Variants in HDX observed in about 807,000 individuals in gnomAD.
The protein encoded by HDX is highly divergent homeobox.
Under a neutral mutation model 45.2 loss-of-function variants are expected in HDX, and 19 were observed. That is an observed-to-expected ratio of 0.42 (90% confidence interval 0.29 to 0.62). The LOEUF is 0.62. Among genes scored for constraint, HDX ranks in the 20% least tolerant of loss-of-function variants. HDX has a pLI of 0.20. For missense variants in HDX, 532 were observed against 493.9 expected (o/e 1.08, Z -0.73); for synonymous variants, 188 against 172.8 (o/e 1.09, Z -0.69).
intron 5 of HDX, among the ~76,000 whole-genome samples, chrX:84,413,200 C>A (rs945910366): frequency 1.8e-5 from 2 of 112,021 alleles, no homozygotes; most frequent in African/African-American, 6.5e-5. Context: ...ACTATTGAGG[C>A]ATTTTAGAAC....
At chrX:84,476,544 CAAAAA>C (rs376973856) in intron 2 of HDX, among the ~76,000 whole-genome samples, 4 of 38,061 alleles carry the variant, frequency 1.1e-4, no homozygotes, top group African/African-American at 3.4e-4. Context: ...AACTCTGTCT[CAAAAA>C]AAAAAAAAAA....
intron 5 of HDX, among the ~76,000 whole-genome samples, chrX:84,391,467 A>G (rs1465728012): frequency 9.6e-6 from 1 of 104,596 alleles, no homozygotes; most frequent in African/African-American, 3.5e-5. Flanking sequence ...AATATTCAGT[A>G]TTAGGATTGC....
At chrX:84,390,194 CATT>C (rs1028924349) in intron 5 of HDX, among the ~76,000 whole-genome samples, 3 of 110,789 alleles carry the variant, frequency 2.7e-5, no homozygotes, top group African/African-American at 9.9e-5. Context: ...CCTCCCCCAT[CATT>C]GTTTTGTTAA....
intron 5 of HDX, among the ~76,000 whole-genome samples, chrX:84,387,877 T>C (rs2038355453): frequency 8.9e-6 from 1 of 112,046 alleles, no homozygotes; most frequent in African/African-American, 3.2e-5. Flanking sequence ...TAGACTTGAT[T>C]GCATAGTTGC....
At chrX:84,379,156 A>G (rs1018635519) in intron 5 of HDX, among the ~76,000 whole-genome samples, 3 of 109,916 alleles carry the variant, frequency 2.7e-5, no homozygotes, top group Non-Finnish European at 5.7e-5. Flanking sequence ...ATTTGATTTT[A>G]TATATATAAT....
intron 4 of HDX, among the ~76,000 whole-genome samples, chrX:84,460,890 T>G (rs1364132984): frequency 1.8e-5 from 2 of 111,875 alleles, no homozygotes; most frequent in African/African-American, 6.5e-5. Flanking sequence ...CATTTCTAAA[T>G]GCTAACAGCA....
chrX:84,424,356 G>C (rs769873544), intron 5 of HDX, among the ~76,000 whole-genome samples: 1 of 110,442 alleles, frequency 9.1e-6, no homozygotes, highest in African/African-American at 3.3e-5. Context: ...TTCATGGAAA[G>C]AATCAATATT....
intron 4 of HDX, among the ~76,000 whole-genome samples, chrX:84,446,007 T>A (rs2039864402): frequency 8.9e-6 from 1 of 111,744 alleles, no homozygotes; most frequent in Admixed American, 9.5e-5. Context: ...TATAAAATTC[T>A]AAGATGTTTC....
At chrX:84,347,706 G>A (rs983559545) in intron 6 of HDX, among the ~76,000 whole-genome samples, 7 of 111,252 alleles carry the variant, frequency 6.3e-5, no homozygotes, top group South Asian at 3.7e-4. Context: ...ATTTCACTGA[G>A]TACAGAATTC....
intron 5 of HDX, among the ~76,000 whole-genome samples, chrX:84,399,599 G>A (rs759176478): frequency 9.0e-6 from 1 of 111,240 alleles, no homozygotes; most frequent in South Asian, 3.8e-4. Context: ...AAAAGCCCAA[G>A]AGCAGACATA....
intron 5 of HDX, among the ~76,000 whole-genome samples, chrX:84,425,713 A>G (rs568265091): frequency 9.0e-6 from 1 of 111,728 alleles, no homozygotes. Flanking sequence ...CAGAAAGGCT[A>G]ACATCACATG....
chrX:84,398,123 C>CAG (rs2147947493), intron 5 of HDX, among the ~76,000 whole-genome samples: 1 of 108,258 alleles, frequency 9.2e-6, no homozygotes, highest in African/African-American at 3.4e-5. Flanking sequence ...CACACACACA[C>CAG]ATATATATAT....
intron 5 of HDX, among the ~76,000 whole-genome samples, chrX:84,368,327 A>C (rs951059817): frequency 2.6e-4 from 29 of 111,945 alleles, no homozygotes; most frequent in African/African-American, 8.4e-4. Context: ...TCTTTTTTAC[A>C]CAATGATATT....
chrX:84,399,791 A>G (rs1387997367), intron 5 of HDX, among the ~76,000 whole-genome samples: 2 of 111,757 alleles, frequency 1.8e-5, no homozygotes, highest in African/African-American at 3.3e-5. Flanking sequence ...ATCCCTGATA[A>G]TCACCGATGT....
Position 84,327,545 on chromosome X carries a change from A to T in HDX, c.1825-1245T>A, listed in dbSNP as rs761162805. ...AGGTCACCCAATAGATAAAAAAAGTATTGTCTTTCAATAAACAGTGGTTAA... is the reference window on the plus strand; with the variant it reads ...AGGTCACCCAATAGATAAAAAAAGTTTTGTCTTTCAATAAACAGTGGTTAA... On this transcript the variant is annotated intron_variant, in intron 9 of 10. Coordinates refer to ENST00000373177, the MANE Select transcript of HDX (RefSeq NM_001177479.2). Among the ~76,000 whole-genome samples, 3 of 111,890 alleles carry T rather than the reference A, an allele frequency of 2.7e-5. No homozygotes were observed. The Admixed American group carries it at 2.8e-4, about 11-fold the overall frequency.
chrX:84,428,202 A>G (rs910301861), intron 5 of HDX, among the ~76,000 whole-genome samples: 2 of 109,745 alleles, frequency 1.8e-5, no homozygotes, highest in African/African-American at 6.6e-5. Context: ...TAGATCTTCT[A>G]TGTTCTCTCT....
chrX:84,358,047 A>C (rs2037529394), intron 6 of HDX, among the ~76,000 whole-genome samples: 1 of 111,898 alleles, frequency 8.9e-6, no homozygotes. Flanking sequence ...GTTTTTGTGG[A>C]TATTGTAGAG....
intron 1 of HDX, among the ~76,000 whole-genome samples, chrX:84,495,415 C>CA (rs1372255966): frequency 2.7e-5 from 3 of 111,379 alleles, no homozygotes; most frequent in Non-Finnish European, 5.7e-5. Context: ...AGCTGTTCCA[C>CA]AATGTGTACA....
intron 2 of HDX, 44 bp from the exon 3 acceptor site, chrX:84,475,441 G>C: frequency 1.2e-6 from 1 of 851,738 alleles, no homozygotes; most frequent in East Asian, 3.6e-5. Context: ...ATAAAAATTT[G>C]GTATGTGCAG....
Sources: gnomAD v4.1 joint callset for allele counts (sites outside exome capture counted in the v4.1 genomes callset) on GRCh38, gnomAD v4.1.1 for gene constraint, MANE v1.5 for transcripts, NCBI Gene and HGNC (gene_info 2026-07-23, HGNC 2026-07-21) for gene names.